Variants in ALDH1A1 observed in about 807,000 individuals in gnomAD.
The protein encoded by ALDH1A1 is aldehyde dehydrogenase 1 family member A1.
In ALDH1A1, 19 loss-of-function variants were observed where a neutral mutation model predicts 62.1. The observed-to-expected ratio is 0.31, with a 90% confidence interval of 0.21 to 0.45. The LOEUF (loss-of-function observed/expected upper bound fraction) is 0.45, where lower values mean the gene tolerates loss of function less well. ALDH1A1 is among the 20% of genes least tolerant of loss of function. The probability of loss-of-function intolerance (pLI) is 1.00; values close to 1 mark genes in which losing one functional copy is unlikely to be tolerated. For synonymous variants in ALDH1A1, 231 were observed against 215.9 expected (o/e 1.07, Z -0.61); for missense variants, 521 against 607.1 (o/e 0.86, Z 1.49).
At chr9:72,950,376 AAG>A (rs1343193165) in intron 1 of ALDH1A1, among the ~76,000 whole-genome samples, 1 of 151,854 alleles carries the variant, frequency 6.6e-6, no homozygotes, top group Non-Finnish European at 1.5e-5. Context: ...TAGAGTTGGA[AAG>A]AGGAGTAATG....
At chr9:72,901,697 A>G (rs1439382620) in intron 12 of ALDH1A1, among the ~76,000 whole-genome samples, 3 of 152,038 alleles carry the variant, frequency 2.0e-5, no homozygotes, top group Non-Finnish European at 4.4e-5. Flanking sequence ...TTGAAATAAG[A>G]TGGACATAGG....
intron 2 of ALDH1A1, among the ~76,000 whole-genome samples, chr9:72,938,971 G>A (rs147540438): frequency 0.011 from 1,646 of 151,100 alleles, 27 homozygotes; most frequent in African/African-American, 0.036. Flanking sequence ...TCAAACTCCT[G>A]ACCTCAGATC....
At chr9:72,929,460 C>T (rs1830253125) in intron 3 of ALDH1A1, among the ~76,000 whole-genome samples, 1 of 152,174 alleles carries the variant, frequency 6.6e-6, no homozygotes, top group African/African-American at 2.4e-5. Flanking sequence ...TTTTTACATT[C>T]CATCTGGATA....
chr9:72,937,242 A>C (rs1830357075), intron 2 of ALDH1A1, among the ~76,000 whole-genome samples: 1 of 152,212 alleles, frequency 6.6e-6, no homozygotes, highest in African/African-American at 2.4e-5. Context: ...TACTTATAGG[A>C]TATACTATAT....
intron 1 of ALDH1A1, among the ~76,000 whole-genome samples, chr9:72,943,831 A>G (rs1830443750): frequency 6.6e-6 from 1 of 152,128 alleles, no homozygotes; most frequent in South Asian, 2.1e-4. Context: ...CCGCCAGTAC[A>G]GAATTAAAGA....
intron 2 of ALDH1A1, among the ~76,000 whole-genome samples, chr9:72,938,997 C>G (rs1256786243): frequency 3.3e-5 from 5 of 152,156 alleles, no homozygotes; most frequent in African/African-American, 1.2e-4. Flanking sequence ...CCCGCCTCGG[C>G]CTCCCAAAGT....
At chr9:72,908,589 AAGAAAGAAAGAAAGAAAGAAAG>A (rs775821880) in intron 11 of ALDH1A1, among the ~76,000 whole-genome samples, 11 of 140,640 alleles carry the variant, frequency 7.8e-5, no homozygotes, top group Non-Finnish European at 1.7e-4. Context: ...GAAAGAAAGA[AAGAAAGAAAGAAAGAAAGAAAG>A]AAAGAAAGAA....
chr9:72,951,516 A>C (rs982775124), intron 1 of ALDH1A1, among the ~76,000 whole-genome samples: 25 of 151,848 alleles, frequency 1.6e-4, no homozygotes, highest in African/African-American at 6.0e-4. Flanking sequence ...TATTAAAAAA[A>C]AAATCCCATT....
At chr9:72,928,768 A>G (rs1564634215) in intron 4 of ALDH1A1, 124 bp downstream of exon 4, 4 of 1,124,474 alleles carry the variant, frequency 3.6e-6, no homozygotes, top group Non-Finnish European at 1.2e-6. Context: ...TCTCAAAGTC[A>G]AGAGGAAAAT....
chr9:72,952,815 T>C, intron 1 of ALDH1A1, 120 bp downstream of exon 1: 3 of 1,168,638 alleles, frequency 2.6e-6, no homozygotes, highest in Non-Finnish European at 3.6e-6. Context: ...TTGCATGCCT[T>C]TTATTTTTAT....
chr9:72,907,991 A>T (rs1829896762), intron 11 of ALDH1A1, among the ~76,000 whole-genome samples: 1 of 152,058 alleles, frequency 6.6e-6, no homozygotes, highest in Non-Finnish European at 1.5e-5. Flanking sequence ...GCTTTGGAGG[A>T]GAAATTTAAA....
chr9:72,950,141 C>A (rs550033765), intron 1 of ALDH1A1, among the ~76,000 whole-genome samples: 1 of 151,954 alleles, frequency 6.6e-6, no homozygotes, highest in African/African-American at 2.4e-5. Context: ...GGATCACTAA[C>A]GTTAAATCAT....
At chr9:72,916,896 C>T (rs1830072183) in intron 9 of ALDH1A1, 24 bp downstream of exon 9, 2 of 1,532,360 alleles carry the variant, frequency 1.3e-6, no homozygotes, top group Non-Finnish European at 8.8e-7. Context: ...CCTGAAAATG[C>T]TATCCTTTCT....
At chr9:72,910,752 C>T (rs1829972178) in intron 10 of ALDH1A1, among the ~76,000 whole-genome samples, 1 of 152,100 alleles carries the variant, frequency 6.6e-6, no homozygotes, top group Admixed American at 6.5e-5. Flanking sequence ...TTCTGGTGTT[C>T]ACCACTGATT....
intron 2 of ALDH1A1, among the ~76,000 whole-genome samples, chr9:72,932,610 T>C (rs1422337495): frequency 6.6e-6 from 1 of 152,224 alleles, no homozygotes; most frequent in Admixed American, 6.5e-5. Context: ...ATATACAAAA[T>C]ATATGTATTT....
At chr9:72,909,559 GTGGT>G in intron 11 of ALDH1A1, 39 bp downstream of exon 11, 1 of 1,541,474 alleles carries the variant, frequency 6.5e-7, no homozygotes, top group Non-Finnish European at 8.8e-7. Flanking sequence ...ATCTGTTAAT[GTGGT>G]TATTACTGAA....
At chr9:72,944,058 C>A (rs779218869) in intron 1 of ALDH1A1, among the ~76,000 whole-genome samples, 5 of 151,974 alleles carry the variant, frequency 3.3e-5, no homozygotes, top group Non-Finnish European at 5.9e-5. Context: ...ACAGATAAGG[C>A]CTGACATTGA....
chr9:72,909,715 A>G lies in ALDH1A1; in HGVS notation c.1245T>C (p.Asp415=). 1.2e-6 allele frequency: 2 copies of G among 1,613,864 alleles called. No individual in the cohort carries two copies. Among genetic ancestry groups the G allele is most frequent in the Non-Finnish European group, 8.5e-7 (1 of 1,179,818 alleles). Reference sequence around the variant, plus strand: ...TATTGTTTGCTCTTTTGATCACGTCATCTAAAGATTTAAACTTCATGATTT... The same window carrying G: ...TATTGTTTGCTCTTTTGATCACGTCGTCTAAAGATTTAAACTTCATGATTT... The part of the protein sequence containing the change: ...VQQIMKFKSL[D]DVIKRANNTF... The change falls in exon 11 of 13, where the codon GAT becomes GAC. Residue 415 remains aspartate (D), a synonymous_variant. Transcript: ENST00000297785.
chr9:72,903,623 C>A (rs1829835022), intron 12 of ALDH1A1, among the ~76,000 whole-genome samples: 1 of 150,130 alleles, frequency 6.7e-6, no homozygotes, highest in South Asian at 2.1e-4. Flanking sequence ...AAAAAAAAAA[C>A]CCACAACTTT....
Sources: gnomAD v4.1 joint callset for allele counts (sites outside exome capture counted in the v4.1 genomes callset) on GRCh38, gnomAD v4.1.1 for gene constraint, MANE v1.5 for transcripts, NCBI Gene and HGNC (gene_info 2026-07-23, HGNC 2026-07-21) for gene names.